The following VEPH1 variants were observed in gnomAD, a reference collection of about 807,000 sequenced individuals.
The protein encoded by VEPH1 is ventricular zone expressed PH domain containing 1, also known as ventricular zone-expressed PH domain-containing protein homolog 1.
A neutral mutation model predicts 85.2 loss-of-function variants in VEPH1; 80 were observed. That is an observed-to-expected ratio of 0.94 (90% CI 0.78 to 1.13). VEPH1 has a LOEUF of 1.13. Among genes scored for constraint, VEPH1 ranks in the 50% most tolerant of loss-of-function variants. The pLI is 0.00. For synonymous variants in VEPH1, 297 were observed against 348.0 expected (o/e 0.85, Z 1.63); for missense variants, 955 against 980.5 (o/e 0.97, Z 0.35).
At chr3:157,376,297 G>A (rs71312204) in intron 7 of VEPH1, among the ~76,000 whole-genome samples, 7,365 of 152,086 alleles carry the variant, frequency 0.048, 265 homozygotes, top group South Asian at 0.14. Flanking sequence ...CCTCCCTGGC[G>A]CCACATTCAT....
At chr3:157,283,971 T>C (rs888255021) in intron 12 of VEPH1, among the ~76,000 whole-genome samples, 1 of 152,198 alleles carries the variant, frequency 6.6e-6, no homozygotes, top group Admixed American at 6.5e-5. Flanking sequence ...GACCAGTACA[T>C]AGTACTCAGT....
At chr3:157,286,816 T>C in intron 11 of VEPH1, 142 bp from the exon 12 acceptor site, 1 of 680,698 alleles carries the variant, frequency 1.5e-6, no homozygotes, top group East Asian at 2.6e-5. Context: ...ATTGAAAAAA[T>C]TTCTCTTGGC....
Position 157,463,972 on chromosome 3 carries a change from A to G in VEPH1, c.355-3617T>C, listed in dbSNP as rs186340014. ...CTCTGCTCATTGGAAGTTTCCATTC[A>G]TCAGATCCAGTATTTTTCCTAGTGG... On this transcript the variant is annotated intron_variant, in intron 3 of 13. Transcript: ENST00000362010. Among the ~76,000 whole-genome samples the G allele has an allele frequency of 3.8e-4, 58 of 152,332 alleles. No homozygotes were observed. The Middle Eastern group carries it at 0.02, about 54-fold the overall frequency.
chr3:157,459,706 T>C (rs1735660274), intron 4 of VEPH1: 1 of 1,407,238 alleles, frequency 7.1e-7, no homozygotes, highest in Admixed American at 3.0e-5. Flanking sequence ...TTTATGCTAG[T>C]ATTTATGCTT....
chr3:157,322,677 T>G (rs1439889691), intron 9 of VEPH1, among the ~76,000 whole-genome samples: 1 of 152,208 alleles, frequency 6.6e-6, no homozygotes, highest in African/African-American at 2.4e-5. Context: ...CACTTGGCAC[T>G]CACGACAAGC....
chr3:157,411,126 A>G (rs1269508995), intron 6 of VEPH1, among the ~76,000 whole-genome samples: 1 of 152,244 alleles, frequency 6.6e-6, no homozygotes, highest in East Asian at 1.9e-4. Flanking sequence ...CAATGGGTGG[A>G]GACAGTGTCA....
chr3:157,490,026 A>T (rs1739078447), intron 2 of VEPH1, among the ~76,000 whole-genome samples: 1 of 152,016 alleles, frequency 6.6e-6, no homozygotes, highest in Non-Finnish European at 1.5e-5. Context: ...TCTTAGGAAA[A>T]ATATCATAAA....
intron 2 of VEPH1, chr3:157,493,194 G>A (rs951401970): frequency 1.3e-5 from 6 of 452,106 alleles, no homozygotes; most frequent in Admixed American, 4.8e-5. Context: ...CACCATATTC[G>A]CATCATTGCA....
At chr3:157,310,831 C>A (rs1720027308) in intron 11 of VEPH1, among the ~76,000 whole-genome samples, 1 of 152,152 alleles carries the variant, frequency 6.6e-6, no homozygotes, top group South Asian at 2.1e-4. Context: ...TATCCCCTCC[C>A]ATATTTCATT....
At chr3:157,361,495 T>A (rs1391079242) in intron 9 of VEPH1, among the ~76,000 whole-genome samples, 1 of 152,180 alleles carries the variant, frequency 6.6e-6, no homozygotes, top group Non-Finnish European at 1.5e-5. Context: ...TGAATATGAA[T>A]TGGATTTGCT....
intron 9 of VEPH1, among the ~76,000 whole-genome samples, chr3:157,339,006 C>A (rs1242108192): frequency 1.3e-5 from 2 of 152,184 alleles, no homozygotes; most frequent in Non-Finnish European, 2.9e-5. Context: ...TGACTCAGAA[C>A]CTTGGTGCTG....
At chr3:157,307,376 T>C (rs193203004) in intron 11 of VEPH1, among the ~76,000 whole-genome samples, 5 of 152,146 alleles carry the variant, frequency 3.3e-5, no homozygotes, top group East Asian at 1.9e-4. Context: ...CTAATTGTTA[T>C]AAGATTTCAT....
At chr3:157,429,820 C>G (rs1733012260) in intron 4 of VEPH1, among the ~76,000 whole-genome samples, 1 of 152,178 alleles carries the variant, frequency 6.6e-6, no homozygotes, top group Non-Finnish European at 1.5e-5. Context: ...TACTGATCAA[C>G]TGCTAAAAAT....
intron 11 of VEPH1, among the ~76,000 whole-genome samples, chr3:157,304,389 A>C (rs1045855537): frequency 2.6e-5 from 4 of 152,144 alleles, no homozygotes; most frequent in Non-Finnish European, 4.4e-5. Context: ...CCATTTCTGC[A>C]GCATACAACA....
intron 4 of VEPH1, chr3:157,437,134 T>A (rs2109185496): frequency 6.4e-7 from 1 of 1,557,286 alleles, no homozygotes; most frequent in East Asian, 2.2e-5. Context: ...ATAACACACA[T>A]ATACTTTGTG....
At chr3:157,370,252 C>A (rs1044677757) in intron 7 of VEPH1, among the ~76,000 whole-genome samples, 3 of 152,060 alleles carry the variant, frequency 2.0e-5, no homozygotes, top group Non-Finnish European at 4.4e-5. Context: ...TCTCACTAAG[C>A]GGGGAGATGA....
chr3:157,460,350 G>A lies in VEPH1; in HGVS notation c.360C>T (p.Tyr120=). The change falls in exon 4 of 14, where the codon TAC becomes TAT. Residue 120 remains tyrosine, a synonymous_variant. Transcript: ENST00000362010. The part of the protein sequence containing the change: ...SDIMSCILQN[Y]NRPPVMALAI... ...CTAATGCCATCACTGGGGGTCGGTT[G>A]TAATTCTGAGGAAATATAAGAAAGC... 6.2e-7 allele frequency: 1 copy of A among 1,606,660 alleles called. No individual in the cohort carries two copies. Among genetic ancestry groups the A allele is most frequent in the Non-Finnish European group, 8.5e-7 (1 of 1,175,354 alleles).
intron 9 of VEPH1, among the ~76,000 whole-genome samples, chr3:157,320,670 T>C (rs1046273158): frequency 6.6e-6 from 1 of 152,134 alleles, no homozygotes; most frequent in Non-Finnish European, 1.5e-5. Context: ...CTTTTTCTAA[T>C]AATCAAAGGA....
In VEPH1 at chr3:157,363,584, C is replaced by T. The variant is rs1018562948; in HGVS notation, c.1515G>A (p.Glu505=). The change falls in exon 9 of 14, where the codon GAG becomes GAA. Residue 505 remains glutamate (E), a synonymous_variant. Coordinates refer to ENST00000362010, the MANE Select transcript of VEPH1 (RefSeq NM_001167912.2). ...TAATATTTGGGTATGAAACTGAAGA[C>T]TCCCCCAGCTGTGATCTCTCAGTGT... ...KTDTERSQLG[E]SSVSYPNIIH... is the part of the protein sequence containing the mutation. The T allele has an allele frequency of 6.2e-7, 1 of 1,614,018 alleles. No homozygotes were observed. Among genetic ancestry groups the T allele is most frequent in the Non-Finnish European group, 8.5e-7 (1 of 1,180,030 alleles).
Sources: allele counts gnomAD v4.1 joint callset (sites outside exome capture counted in the v4.1 genomes callset), GRCh38; gene constraint gnomAD v4.1.1; transcripts MANE v1.5; gene names NCBI Gene and HGNC (gene_info 2026-07-23, HGNC 2026-07-21).